GLI3: variants seen among roughly 807,000 people sequenced by gnomAD.
GLI3 encodes the protein GLI family zinc finger 3.
A neutral mutation model predicts 100.8 loss-of-function variants in GLI3; 20 were observed. The ratio of observed to expected loss-of-function variants is 0.20; its 90% CI spans 0.14 to 0.29. The LOEUF (loss-of-function observed/expected upper bound fraction) is 0.29, where lower values mean the gene tolerates loss of function less well. GLI3 is among the 10% of genes least tolerant of loss of function. The probability of loss-of-function intolerance (pLI) is 1.00; values close to 1 mark genes in which losing one functional copy is unlikely to be tolerated. For synonymous variants in GLI3, 938 were observed against 860.5 expected, an observed-to-expected ratio of 1.09 and a Z score of -1.58; for missense variants, 2,040 against 2,128.5, an observed-to-expected ratio of 0.96 and a Z score of 0.82.
intron 7 of GLI3, among the ~76,000 whole-genome samples, chr7:42,037,481 T>G (rs1784036684): frequency 6.6e-6 from 1 of 152,214 alleles, no homozygotes; most frequent in Non-Finnish European, 1.5e-5. Flanking sequence ...GTGGTGCCAA[T>G]GATAACAATT....
chr7:42,106,445 T>C (rs935885254), intron 3 of GLI3, among the ~76,000 whole-genome samples: 1 of 152,212 alleles, frequency 6.6e-6, no homozygotes, highest in Admixed American at 6.5e-5. Context: ...ACAGATCTTA[T>C]GGCCACATGA....
chr7:42,083,528 C>T (rs1785039715), intron 3 of GLI3, among the ~76,000 whole-genome samples: 1 of 152,152 alleles, frequency 6.6e-6, no homozygotes, highest in Non-Finnish European at 1.5e-5. Flanking sequence ...GCTGCTTTCC[C>T]ACGCCAACAA....
At position 42,088,535 on chromosome 7, in the gene GLI3, C is replaced by T. The variant is rs533968125; in HGVS notation, c.368-11678G>A. On this transcript the variant is annotated intron_variant, in intron 3 of 14. Transcript: ENST00000395925. ...AGAGCACCTGCTCCTATGGTAATGC[C>T]TTGGATGTCTAACCTATGCTATAGG... Among the ~76,000 whole-genome samples the T allele has an allele frequency of 3.9e-4, 60 of 152,342 alleles. No individual in the cohort carries two copies. The Middle Eastern group carries it at 0.01, about 26-fold the overall frequency.
At chr7:42,193,349 C>G (rs1376983899) in intron 2 of GLI3, among the ~76,000 whole-genome samples, 1 of 152,108 alleles carries the variant, frequency 6.6e-6, no homozygotes, top group Non-Finnish European at 1.5e-5. Flanking sequence ...CTTCTATCTC[C>G]TCCACCCAGA....
At chr7:42,009,860 C>G (rs888981500) in intron 10 of GLI3, among the ~76,000 whole-genome samples, 2 of 152,190 alleles carry the variant, frequency 1.3e-5, no homozygotes, top group African/African-American at 4.8e-5. Context: ...TGTGCCTCCC[C>G]GTTCCTGGAT....
upstream of GLI3, among the ~76,000 whole-genome samples, chr7:42,239,322 G>A (rs1788899145): frequency 6.6e-6 from 1 of 152,206 alleles, no homozygotes; most frequent in Admixed American, 6.5e-5. Context: ...AGTGTTAGGA[G>A]TGCCAGGTCG....
At position 42,168,015 on chromosome 7, in the gene GLI3, C is replaced by A. The variant is rs534381540; in HGVS notation, c.125-19547G>T. On this transcript the variant is annotated intron_variant, in intron 2 of 14. Transcript: ENST00000395925. ...AAACCTAGGAAGGTTGCTTATAAGA[C>A]CAACAAGTTAATAAACTCCTTCCTT... is the stretch of plus-strand genomic sequence containing the variant. Among the ~76,000 whole-genome samples the A allele has an allele frequency of 7.9e-5, 12 of 152,236 alleles. No homozygotes were observed. In the East Asian group the frequency reaches 2.3e-3, roughly 29 times the overall value.
chr7:42,223,942 T>G (rs963042363), intron 1 of GLI3, among the ~76,000 whole-genome samples: 4 of 152,246 alleles, frequency 2.6e-5, no homozygotes, highest in African/African-American at 9.6e-5. Context: ...AGTTACACTT[T>G]TAAGACAAAG....
chr7:41,999,661 A>G (rs759075369), intron 10 of GLI3, among the ~76,000 whole-genome samples: 4 of 152,158 alleles, frequency 2.6e-5, no homozygotes, highest in Non-Finnish European at 5.9e-5. Flanking sequence ...CCTGCTACAC[A>G]TGACTAGAAC....
chr7:42,248,206 T>C (rs1788994745), intron 1 of GLI3, among the ~76,000 whole-genome samples: 1 of 152,194 alleles, frequency 6.6e-6, no homozygotes, highest in Non-Finnish European at 1.5e-5. Flanking sequence ...TTATACAGTT[T>C]TTCCCTCAAT....
intron 3 of GLI3, among the ~76,000 whole-genome samples, chr7:42,123,722 C>G (rs1417051176): frequency 1.3e-5 from 2 of 152,184 alleles, no homozygotes; most frequent in African/African-American, 2.4e-5. Context: ...TGTGCCACAA[C>G]TAGCTGTGCA....
intron 2 of GLI3, among the ~76,000 whole-genome samples, chr7:42,184,613 C>G (rs1787682721): frequency 6.6e-6 from 1 of 152,268 alleles, no homozygotes; most frequent in South Asian, 2.1e-4. Flanking sequence ...ATGAATGAAG[C>G]CATGTAATAT....
chr7:42,239,629 C>T (rs1030887455), upstream of GLI3, among the ~76,000 whole-genome samples: 1 of 152,130 alleles, frequency 6.6e-6, no homozygotes, highest in Non-Finnish European at 1.5e-5. Context: ...CTAGATATTT[C>T]GACTCTTACT....
chr7:42,251,989 A>G (rs1789038001), intron 1 of GLI3, among the ~76,000 whole-genome samples: 1 of 152,288 alleles, frequency 6.6e-6, no homozygotes. Context: ...TACCATTTGC[A>G]ATCCGATTAC....
At chr7:42,116,147 C>T (rs1295916847) in intron 3 of GLI3, among the ~76,000 whole-genome samples, 1 of 151,978 alleles carries the variant, frequency 6.6e-6, no homozygotes, top group Admixed American at 6.6e-5. Flanking sequence ...CCACCAGGTC[C>T]CAAACATGTC....
intron 12 of GLI3, among the ~76,000 whole-genome samples, chr7:41,976,235 T>C (rs191702579): frequency 1.3e-5 from 2 of 152,290 alleles, no homozygotes. Context: ...TGTAAAAGCA[T>C]TTTTACATTA....
intron 2 of GLI3, among the ~76,000 whole-genome samples, chr7:42,180,758 C>T (rs1055492960): frequency 6.6e-6 from 1 of 152,162 alleles, no homozygotes; most frequent in Non-Finnish European, 1.5e-5. Flanking sequence ...AAGGTTATCG[C>T]TGAGAAATGA....
intron 3 of GLI3, among the ~76,000 whole-genome samples, chr7:42,124,119 C>T (rs550077519): frequency 9.2e-5 from 14 of 152,240 alleles, no homozygotes; most frequent in African/African-American, 3.4e-4. Context: ...AGGAGTTACC[C>T]TTAAAATAGA....
At chr7:42,084,901 C>CTTTTTTTTTTTTTTTTTTTTTTTTT (rs747166719) in intron 3 of GLI3, among the ~76,000 whole-genome samples, 1 of 47,502 alleles carries the variant, frequency 2.1e-5, no homozygotes, top group Non-Finnish European at 3.5e-5. Flanking sequence ...CATTTGGATT[C>CTTTTTTTTTTTTTTTTTTTTTTTTT]TTTTTTTTTT....
Sources: allele counts gnomAD v4.1 joint callset (sites outside exome capture counted in the v4.1 genomes callset), GRCh38; gene constraint gnomAD v4.1.1; transcripts MANE v1.5; gene names NCBI Gene and HGNC (gene_info 2026-07-23, HGNC 2026-07-21).